LAMA4: variants seen among roughly 807,000 people sequenced by gnomAD.
LAMA4 encodes laminin subunit alpha-4.
Under a neutral mutation model 207.1 loss-of-function variants are expected in LAMA4, and 127 were observed. The ratio of observed to expected loss-of-function variants is 0.61; its 90% CI spans 0.53 to 0.71. The LOEUF is 0.71. Among genes scored for constraint, LAMA4 ranks in the 30% least tolerant of loss-of-function variants. The pLI is 0.00. For synonymous variants in LAMA4, 761 were observed against 816.0 expected, an observed-to-expected ratio of 0.93 and a Z score of 1.15; for missense variants, 2,093 against 2,246.5, an observed-to-expected ratio of 0.93 and a Z score of 1.38.
At chr6:112,227,869 C>T (rs137917867) in intron 2 of LAMA4, among the ~76,000 whole-genome samples, 3 of 152,148 alleles carry the variant, frequency 2.0e-5, no homozygotes, top group African/African-American at 7.2e-5. Context: ...GCTACATGTC[C>T]GAGGCTACAT....
intron 18 of LAMA4, among the ~76,000 whole-genome samples, chr6:112,145,161 G>T (rs1429891727): frequency 1.3e-5 from 2 of 152,202 alleles, no homozygotes; most frequent in African/African-American, 4.8e-5. Flanking sequence ...GGGCACAGGT[G>T]CATACTCCAT....
intron 9 of LAMA4, among the ~76,000 whole-genome samples, chr6:112,181,291 C>T (rs1339891389): frequency 3.9e-5 from 6 of 152,200 alleles, no homozygotes; most frequent in African/African-American, 1.4e-4. Flanking sequence ...TGCAGAGGGA[C>T]GTTTCTAAAG....
At chr6:112,182,359 A>G (rs1480425107) in intron 9 of LAMA4, among the ~76,000 whole-genome samples, 2 of 152,054 alleles carry the variant, frequency 1.3e-5, no homozygotes, top group African/African-American at 4.8e-5. Context: ...CCTATACATC[A>G]CTTCGTTCAT....
chr6:112,240,362 T>C (rs1489347345), intron 2 of LAMA4, among the ~76,000 whole-genome samples: 1 of 152,190 alleles, frequency 6.6e-6, no homozygotes, highest in African/African-American at 2.4e-5. Context: ...CCATAGAGAA[T>C]GGTGTATCCA....
At chr6:112,220,010 G>T (rs907157588) in intron 2 of LAMA4, among the ~76,000 whole-genome samples, 11 of 151,944 alleles carry the variant, frequency 7.2e-5, no homozygotes, top group African/African-American at 2.7e-4. Context: ...CCAAATTTTT[G>T]CTGCTATTAA....
At position 112,254,373 on chromosome 6, in the gene LAMA4, C is replaced by A. The variant is rs1584038560; in HGVS notation, c.-141-82G>T. The A allele has an allele frequency of 2.0e-5, 12 of 599,880 alleles. No homozygotes were observed. The East Asian group carries it at 3.1e-4, about 16-fold the overall frequency. 37.2% of individuals were successfully genotyped at this position (599,880 alleles called of 1,614,324 possible). On this transcript the variant is annotated intron_variant, in intron 1 of 38. Coordinates refer to ENST00000230538, the MANE Select transcript of LAMA4 (RefSeq NM_001105206.3). ...TCTCTCTCTCTCCCCTTCTCCCCCT[C>A]TCTCTCCCTCTCCCTCTCCCTCTTT...
intron 13 of LAMA4, among the ~76,000 whole-genome samples, chr6:112,161,758 G>T (rs1174042601): frequency 6.6e-6 from 1 of 152,146 alleles, no homozygotes; most frequent in African/African-American, 2.4e-5. Context: ...GGATGTCAGG[G>T]TCATAAGGAC....
At chr6:112,150,136 T>C (rs1780291428) in intron 17 of LAMA4, among the ~76,000 whole-genome samples, 1 of 151,752 alleles carries the variant, frequency 6.6e-6, no homozygotes, top group Admixed American at 6.6e-5. Flanking sequence ...GGGCATATTG[T>C]TATGAGGAAG....
intron 8 of LAMA4, 142 bp downstream of exon 8, chr6:112,187,308 T>G (rs782014966): frequency 1.1e-6 from 1 of 942,266 alleles, no homozygotes; most frequent in Non-Finnish European, 1.7e-6. Flanking sequence ...ATTACTTATG[T>G]TTTCTATGTT....
intron 3 of LAMA4, chr6:112,213,697 G>A (rs1784474570): frequency 4.2e-6 from 1 of 240,348 alleles, no homozygotes; most frequent in African/African-American, 2.2e-5. Flanking sequence ...AATGGCTTAG[G>A]TCAGCTTTAC....
rs1278737914 is a variant in LAMA4 at position 112,129,894 on chromosome 6, C to G, written c.4115G>C (p.Ser1372Thr). Reference sequence around the variant, plus strand: ...ATTATACCTGGTAAAGTAGGCATTACTTATGCAGCCAGTGAAATTAGCATA... The same window carrying G: ...ATTATACCTGGTAAAGTAGGCATTAGTTATGCAGCCAGTGAAATTAGCATA... The part of the protein sequence containing the change: ...AQYANFTGCI[S>T]NAYFTRVDRD... Residue 1372 changes from serine (S) to threonine (T), a missense_variant, in exon 30 of 39, where the codon AGT becomes ACT. Physicochemically the swap from Ser to Thr is moderately conservative, Grantham distance 58. Transcript: ENST00000230538. 1 of 1,607,566 alleles carries G rather than the reference C, an allele frequency of 6.2e-7. No homozygotes were observed. Among genetic ancestry groups the G allele is most frequent in the Non-Finnish European group, 8.5e-7 (1 of 1,176,152 alleles).
At position 112,140,820 on chromosome 6, in the gene LAMA4, C is replaced by A; in HGVS notation, c.2916G>T (p.Leu972=). Residue 972 remains leucine (L), a synonymous_variant, in exon 22 of 39, where the codon CTG becomes CTT. Coordinates refer to ENST00000230538, the MANE Select transcript of LAMA4 (RefSeq NM_001105206.3). ...KKGEFSGDDS[L]LDLDPEDTVF... ...CTGTGTCCTCAGGGTCCAGGTCCAG[C>A]AGAGAGTCATCTCCCGAAAATTCCC... 1 of 1,614,074 alleles carries A rather than the reference C, an allele frequency of 6.2e-7. No homozygotes were observed. The highest frequency in any genetic ancestry group is 1.1e-5 in the South Asian group (1 of 91,074).
At chr6:112,226,377 C>T (rs1453992807) in intron 2 of LAMA4, among the ~76,000 whole-genome samples, 1 of 152,184 alleles carries the variant, frequency 6.6e-6, no homozygotes, top group African/African-American at 2.4e-5. Context: ...CCCCACAACC[C>T]TCATGAATAT....
chr6:112,150,651 G>C (rs1005431236), intron 16 of LAMA4, 24 bp from the exon 17 acceptor site: 1 of 1,540,900 alleles, frequency 6.5e-7, no homozygotes, highest in South Asian at 1.1e-5. Flanking sequence ...GCAGAAAGAA[G>C]TACTAGTGGA....
intron 12 of LAMA4, among the ~76,000 whole-genome samples, chr6:112,168,702 G>A (rs570888039): frequency 2.6e-5 from 4 of 151,994 alleles, no homozygotes; most frequent in South Asian, 2.1e-4. Flanking sequence ...TTATACATGC[G>A]AACAAGTGCA....
chr6:112,251,957 A>G (rs1787491886), intron 2 of LAMA4, among the ~76,000 whole-genome samples: 1 of 152,234 alleles, frequency 6.6e-6, no homozygotes, highest in Non-Finnish European at 1.5e-5. Context: ...GGAAGAATAT[A>G]GATAAACAGA....
At chr6:112,233,282 C>T (rs1230702413) in intron 2 of LAMA4, among the ~76,000 whole-genome samples, 2 of 152,206 alleles carry the variant, frequency 1.3e-5, no homozygotes, top group African/African-American at 4.8e-5. Context: ...GTCATTTATT[C>T]ATTTTGTCTC....
At chr6:112,214,234 CTTTTTTCT>C (rs1273408993) in intron 3 of LAMA4, among the ~76,000 whole-genome samples, 3 of 152,002 alleles carry the variant, frequency 2.0e-5, no homozygotes, top group Admixed American at 2.0e-4. Context: ...ATAAATATAT[CTTTTTTCT>C]TTTTTTCTTT....
chr6:112,244,119 T>A (rs1297853182), intron 2 of LAMA4, among the ~76,000 whole-genome samples: 1 of 151,908 alleles, frequency 6.6e-6, no homozygotes, highest in African/African-American at 2.4e-5. Flanking sequence ...GAAAAGAACA[T>A]AAGGCAAAAA....
Sources: allele counts gnomAD v4.1 joint callset (sites outside exome capture counted in the v4.1 genomes callset), GRCh38; gene constraint gnomAD v4.1.1; transcripts MANE v1.5; gene names NCBI Gene and HGNC (gene_info 2026-07-23, HGNC 2026-07-21).